The following WNK2 variants were observed in gnomAD, a reference collection of about 807,000 sequenced individuals.
WNK2 encodes the protein WNK lysine deficient protein kinase 2.
Under a neutral mutation model 192.1 loss-of-function variants are expected in WNK2, and 67 were observed. The ratio of observed to expected loss-of-function variants is 0.35; its 90% confidence interval spans 0.29 to 0.43. The LOEUF (loss-of-function observed/expected upper bound fraction) is 0.43, where lower values mean the gene tolerates loss of function less well. WNK2 is among the 20% of genes least tolerant of loss of function. WNK2 has a pLI of 1.00. For synonymous variants in WNK2, 1,439 were observed against 1,393.9 expected (o/e 1.03, Z -0.72); for missense variants, 2,698 against 3,089.7 (o/e 0.87, Z 3.01).
intron 2 of WNK2, among the ~76,000 whole-genome samples, chr9:93,213,725 G>A (rs777420340): frequency 6.6e-6 from 1 of 151,954 alleles, no homozygotes; most frequent in Non-Finnish European, 1.5e-5. Flanking sequence ...GGAGGCAGAG[G>A]TTGCAGTAAG....
chr9:93,246,489 T>C (rs994573901), intron 7 of WNK2, among the ~76,000 whole-genome samples: 2 of 152,216 alleles, frequency 1.3e-5, no homozygotes, highest in African/African-American at 4.8e-5. Flanking sequence ...TCACTTCTGT[T>C]GTGCGCTTCA....
At position 93,206,839 on chromosome 9, in the gene WNK2, A is replaced by G. The variant is rs193184869; in HGVS notation, c.681+21229A>G. ...CGTGTTTGTAGGTTTTTCTGGGGAT[A>G]CACTGTGGCAGCGGCTGGATGTGCA... On this transcript the variant is annotated intron_variant, in intron 2 of 29. Coordinates refer to ENST00000427277, the MANE Select transcript of WNK2 (RefSeq NM_006648.4). Among the ~76,000 whole-genome samples, 165 of 152,264 alleles carry G rather than the reference A, an allele frequency of 1.1e-3. 1 individual carries two copies. Among genetic ancestry groups the G allele is most frequent in the Middle Eastern group, 6.8e-3 (2 of 294 alleles).
At chr9:93,191,896 G>A (rs537623655) in intron 2 of WNK2, among the ~76,000 whole-genome samples, 12 of 151,980 alleles carry the variant, frequency 7.9e-5, no homozygotes, top group African/African-American at 2.4e-4. Context: ...GTATGGTGGC[G>A]GGCACCTGTA....
chr9:93,308,267 C>T, intron 27 of WNK2, 61 bp from the exon 28 acceptor site: 9 of 1,514,218 alleles, frequency 5.9e-6, no homozygotes, highest in Non-Finnish European at 7.1e-6. Context: ...TGCGGCCAGC[C>T]CACTGGGGGC....
intron 2 of WNK2, among the ~76,000 whole-genome samples, chr9:93,188,228 C>T (rs1829702329): frequency 6.6e-6 from 1 of 152,200 alleles, no homozygotes; most frequent in Admixed American, 6.5e-5. Flanking sequence ...CCCCTTTCTG[C>T]CCTCCACAGG....
chr9:93,241,519 C>G (rs979740435), intron 7 of WNK2, among the ~76,000 whole-genome samples: 1 of 152,190 alleles, frequency 6.6e-6, no homozygotes, highest in East Asian at 1.9e-4. Context: ...GCTGATGATT[C>G]TTCCCAAGCT....
rs367655489 is a variant in WNK2, at chr9:93,258,893, T to C, written c.2383-38T>C. The C allele has an allele frequency of 4.0e-5, 62 of 1,567,138 alleles. No homozygotes were observed. The African/African-American group carries it at 7.5e-4, about 19-fold the overall frequency. ...CAAGTGCTGTGGGCAGGGACCCTGG[T>C]TGGGGCCCACACTGACACACTCCTG... On this transcript the variant is annotated intron_variant, in intron 11 of 29. Transcript: ENST00000427277.
chr9:93,251,374 C>T (rs925032573), intron 8 of WNK2, among the ~76,000 whole-genome samples: 5 of 152,004 alleles, frequency 3.3e-5, no homozygotes, highest in African/African-American at 1.2e-4. Flanking sequence ...GCCTCAGCCT[C>T]CCAAAATGCT....
rs548722669 is a variant in WNK2 at position 93,290,014 on chromosome 9, G to T, written c.4903G>T (p.Val1635Leu). 4 of 1,578,310 alleles carry T rather than the reference G, an allele frequency of 2.5e-6. No homozygotes were observed. In the African/African-American group the frequency reaches 5.4e-5, roughly 21 times the overall value. Residue 1635 changes from valine (V) to leucine (L), a missense_variant, in exon 21 of 30, where the codon GTG becomes TTG. Coordinates refer to ENST00000427277, the MANE Select transcript of WNK2 (RefSeq NM_006648.4). ...KSELAPTRGA[V>L]MEQGTSSSMT... ...AGAACTGGCCCCCACTCGAGGGGCC[G>T]TGATGGAGCAGGGCACGTCCTCGTC...
intron 2 of WNK2, among the ~76,000 whole-genome samples, chr9:93,190,305 C>T (rs1830108360): frequency 6.6e-6 from 1 of 152,186 alleles, no homozygotes; most frequent in African/African-American, 2.4e-5. Flanking sequence ...CAGACAGCAG[C>T]CTGTGCAGGT....
Position 93,238,297 on chromosome 9 carries a change from G to A in WNK2, c.1298G>A (p.Cys433Tyr). Residue 433 changes from cysteine (C) to tyrosine (Y), a missense_variant, in exon 6 of 30, where the codon TGT (cysteine) becomes TAT (tyrosine). Cys to Tyr is a radical substitution (Grantham distance 194). Transcript: ENST00000427277. ...GAAATCAAGGAGATTATTGGGGAGT[G>A]TATCTGCAAAAACAAGGAGGAAAGG... Reference protein sequence around the residue: ...DPEIKEIIGECICKNKEERYE... With the variant: ...DPEIKEIIGEYICKNKEERYE... 6.2e-7 allele frequency: 1 copy of A among 1,614,050 alleles called. No homozygotes were observed. The highest frequency in any genetic ancestry group is 8.5e-7 in the Non-Finnish European group (1 of 1,179,894).
In WNK2 at chr9:93,308,998, G is replaced by A. The variant is rs112506998; in HGVS notation, c.6516+414G>A. 157 of 1,020,950 alleles carry A rather than the reference G, an allele frequency of 1.5e-4. No individual in the cohort carries two copies. The African/African-American group carries it at 1.7e-3, about 11-fold the overall frequency. The allele number at this position is 1,020,950 out of a possible 1,614,324, so 63.2% of individuals were successfully genotyped here. A position where few individuals can be genotyped will look rare whatever the true frequency, so the allele number is the denominator to read the frequency against. On this transcript the variant is annotated intron_variant, in intron 28 of 29. Coordinates refer to ENST00000427277, the MANE Select transcript of WNK2 (RefSeq NM_006648.4). ...TGCATGTCACCCAAGTGACACCAGC[G>A]TCTGGCCATAGCTCACACGCACCTG...
intron 2 of WNK2, among the ~76,000 whole-genome samples, chr9:93,196,614 A>G (rs1831329852): frequency 6.6e-6 from 1 of 152,128 alleles, no homozygotes; most frequent in African/African-American, 2.4e-5. Flanking sequence ...CTTTGTTCAT[A>G]TTTTAATCCA....
chr9:93,280,190 A>G (rs906375369), intron 19 of WNK2, among the ~76,000 whole-genome samples: 14 of 152,334 alleles, frequency 9.2e-5, no homozygotes, highest in African/African-American at 3.4e-4. Flanking sequence ...GAACTCTCAA[A>G]AGACAGTAGT....
chr9:93,318,932 T>C (rs1855180340), intron 29 of WNK2: 2 of 1,420,040 alleles, frequency 1.4e-6, no homozygotes, highest in Admixed American at 5.8e-5. Context: ...TAGAACTGGG[T>C]AAATTATTTT....
chr9:93,314,509 T>TA (rs1231161547), intron 28 of WNK2, among the ~76,000 whole-genome samples: 2 of 150,808 alleles, frequency 1.3e-5, no homozygotes, highest in African/African-American at 4.9e-5. Context: ...AAAGAAGAAA[T>TA]ACACGCTTTT....
intron 2 of WNK2, among the ~76,000 whole-genome samples, chr9:93,217,104 G>A (rs1018915095): frequency 1.3e-5 from 2 of 151,910 alleles, no homozygotes; most frequent in Admixed American, 6.6e-5. Context: ...GACTACAGAC[G>A]TGCACCACCA....
At position 93,186,263 on chromosome 9, in the gene WNK2, C is replaced by T. The variant is rs761240408; in HGVS notation, c.681+653C>T. 1.6e-4 allele frequency among the ~76,000 whole-genome samples: 25 copies of T among 152,240 alleles called. 2 individuals carry two copies. Among genetic ancestry groups the T allele is most frequent in the Non-Finnish European group, 2.4e-4 (16 of 68,024 alleles). On this transcript the variant is annotated intron_variant, in intron 2 of 29. Transcript: ENST00000427277. ...GAGCTCCATTTGTTCACAAAATGGA[C>T]GTGTGAGAGGTCTTAAAACCGAGTC...
At chr9:93,308,294 C>T (rs1329933222) in intron 27 of WNK2, 34 bp from the exon 28 acceptor site, 16 of 1,538,476 alleles carry the variant, frequency 1.0e-5, no homozygotes, top group African/African-American at 5.5e-5. Context: ...GCGTGTGTGG[C>T]GTCACCAATC....
Sources: allele counts gnomAD v4.1 joint callset (sites outside exome capture counted in the v4.1 genomes callset), GRCh38; gene constraint gnomAD v4.1.1; transcripts MANE v1.5; gene names NCBI Gene and HGNC (gene_info 2026-07-23, HGNC 2026-07-21).